Variants in EFNA5 observed in about 807,000 individuals in gnomAD.
EFNA5 encodes ephrin-A5.
In EFNA5, 5 loss-of-function variants were observed where a neutral mutation model predicts 22.9. That is an observed-to-expected ratio of 0.22 (90% CI 0.11 to 0.46). EFNA5 has a LOEUF of 0.46. Ranked by LOEUF, EFNA5 falls within the 20% of genes least tolerant of loss-of-function variation. EFNA5 has a pLI of 0.99. For missense variants in EFNA5, 237 were observed against 293.3 expected (o/e 0.81, Z 1.40); for synonymous variants, 113 against 112.2 (o/e 1.01, Z -0.04).
intron 1 of EFNA5, among the ~76,000 whole-genome samples, chr5:107,463,997 A>C (rs929449929): frequency 1.3e-5 from 2 of 152,156 alleles, no homozygotes; most frequent in African/African-American, 4.8e-5. Flanking sequence ...AAGTGGGTTA[A>C]ATGCATTAAG....
rs543475929 is a variant in EFNA5 at position 107,539,567 on chromosome 5, T to C, written c.126-112058A>G. Among the ~76,000 whole-genome samples the C allele has an allele frequency of 7.2e-5, 11 of 152,286 alleles. No homozygotes were observed. The South Asian group carries it at 1.0e-3, about 14-fold the overall frequency. ...TCTGCCTCCCGGGTTCTAGCAACTC[T>C]CCTGTCTCAGCCTCCCAAGTAGCTG... On this transcript the variant is annotated intron_variant, in intron 1 of 4. Transcript: ENST00000333274.
At chr5:107,669,398 G>T (rs1357764910) in intron 1 of EFNA5, among the ~76,000 whole-genome samples, 1 of 152,014 alleles carries the variant, frequency 6.6e-6, no homozygotes, top group Non-Finnish European at 1.5e-5. Context: ...GCACACAGCT[G>T]GAAGCTAGCC....
chr5:107,664,578 T>C (rs1413053080), intron 1 of EFNA5, among the ~76,000 whole-genome samples: 1 of 152,192 alleles, frequency 6.6e-6, no homozygotes, highest in Non-Finnish European at 1.5e-5. Flanking sequence ...ACCACCATCG[T>C]AAGACAAATT....
intron 1 of EFNA5, among the ~76,000 whole-genome samples, chr5:107,601,102 T>C (rs1307588627): frequency 6.6e-6 from 1 of 152,226 alleles, no homozygotes; most frequent in Non-Finnish European, 1.5e-5. Flanking sequence ...ATGAGATACA[T>C]GCTGAATCTA....
intron 1 of EFNA5, among the ~76,000 whole-genome samples, chr5:107,627,189 T>G (rs1750160322): frequency 6.6e-6 from 1 of 152,212 alleles, no homozygotes; most frequent in Admixed American, 6.5e-5. Flanking sequence ...AAAAAGCACA[T>G]TAGAGTAACT....
intron 1 of EFNA5, among the ~76,000 whole-genome samples, chr5:107,527,561 A>C (rs1226120796): frequency 6.6e-6 from 1 of 152,114 alleles, no homozygotes; most frequent in South Asian, 2.1e-4. Flanking sequence ...CTGAGATTAC[A>C]GGCATGAGCC....
intron 2 of EFNA5, among the ~76,000 whole-genome samples, chr5:107,404,569 G>A (rs543641734): frequency 9.2e-5 from 14 of 152,092 alleles, no homozygotes; most frequent in Non-Finnish European, 1.5e-5. Context: ...CTTCGAGGCA[G>A]GTATTATTAT....
At chr5:107,597,980 G>A (rs1749509813) in intron 1 of EFNA5, among the ~76,000 whole-genome samples, 1 of 152,118 alleles carries the variant, frequency 6.6e-6, no homozygotes, top group Non-Finnish European at 1.5e-5. Flanking sequence ...AACAACTTCT[G>A]TAGTCATTTT....
chr5:107,569,435 A>G (rs1025564002), intron 1 of EFNA5, among the ~76,000 whole-genome samples: 1 of 143,892 alleles, frequency 6.9e-6, no homozygotes, highest in African/African-American at 2.5e-5. Context: ...GTGTGTATAT[A>G]TATATTTATA....
In EFNA5 at chr5:107,454,017, A is replaced by T. The variant is rs25953; in HGVS notation, c.126-26508T>A. ...CAGAATGAATGCCAGATCAATATTA[A>T]CCCACTCTTAAAACATTAAAGGGGT... On this transcript the variant is annotated intron_variant, in intron 1 of 4. Transcript: ENST00000333274. Among the ~76,000 whole-genome samples, 85 of 152,184 alleles carry T rather than the reference A, an allele frequency of 5.6e-4. 1 individual carries two copies. In the East Asian group the frequency reaches 0.014, roughly 26 times the overall value.
At chr5:107,522,956 C>G (rs1747626122) in intron 1 of EFNA5, among the ~76,000 whole-genome samples, 1 of 152,174 alleles carries the variant, frequency 6.6e-6, no homozygotes, top group Admixed American at 6.5e-5. Context: ...ATTTCCAACA[C>G]CTAAACAGGG....
At chr5:107,542,556 G>C (rs73198615) in intron 1 of EFNA5, among the ~76,000 whole-genome samples, 67 of 151,762 alleles carry the variant, frequency 4.4e-4, no homozygotes, top group Non-Finnish European at 6.0e-4. Context: ...GTGGTATAAG[G>C]GGGGGGTGCG....
chr5:107,660,128 T>C (rs1342636093), intron 1 of EFNA5, among the ~76,000 whole-genome samples: 2 of 151,216 alleles, frequency 1.3e-5, no homozygotes, highest in Non-Finnish European at 3.0e-5. Context: ...TATAGTTCCA[T>C]ACAAGACCCT....
intron 1 of EFNA5, among the ~76,000 whole-genome samples, chr5:107,656,703 C>G (rs1464549991): frequency 2.6e-5 from 4 of 152,040 alleles, no homozygotes; most frequent in African/African-American, 9.7e-5. Flanking sequence ...AGTCCTGCCA[C>G]ATATACACAT....
chr5:107,395,034 C>CTTTTTTTTTTTTGTTTTTTTTTTTTTTTT (rs1747884154), intron 2 of EFNA5, among the ~76,000 whole-genome samples: 1 of 86,142 alleles, frequency 1.2e-5, no homozygotes, highest in Non-Finnish European at 2.2e-5. Context: ...ATTTCTAGTT[C>CTTTTTTTTTTTTGTTTTTTTTTTTTTTTT]TTTTTTTTTT....
chr5:107,395,034 C>CT (rs58619326), intron 2 of EFNA5, among the ~76,000 whole-genome samples: 999 of 86,138 alleles, frequency 0.012, 89 homozygotes, highest in Non-Finnish European at 0.013. Flanking sequence ...ATTTCTAGTT[C>CT]TTTTTTTTTT....
intron 1 of EFNA5, among the ~76,000 whole-genome samples, chr5:107,652,652 T>C (rs890672840): frequency 7.2e-5 from 11 of 152,218 alleles, no homozygotes; most frequent in Non-Finnish European, 1.2e-4. Flanking sequence ...AAATATGCTA[T>C]TGGTTTTACT....
rs533396123 is a variant in EFNA5, at chr5:107,487,676, A to T, written c.126-60167T>A. Reference sequence around the variant, plus strand: ...ATCATGATAACTTCATGAGCAGCAAAATGATAATTTTGTTCAGCCCTGTAG... The same window carrying T: ...ATCATGATAACTTCATGAGCAGCAATATGATAATTTTGTTCAGCCCTGTAG... On this transcript the variant is annotated intron_variant, in intron 1 of 4. Coordinates refer to ENST00000333274, the MANE Select transcript of EFNA5 (RefSeq NM_001962.3). Among the ~76,000 whole-genome samples the T allele has an allele frequency of 2.0e-5, 3 of 152,292 alleles. No homozygotes were observed. The East Asian group carries it at 5.8e-4, about 29-fold the overall frequency.
At chr5:107,412,393 A>G (rs1748392482) in intron 2 of EFNA5, among the ~76,000 whole-genome samples, 1 of 152,198 alleles carries the variant, frequency 6.6e-6, no homozygotes, top group Admixed American at 6.5e-5. Context: ...GAGAGAGAGA[A>G]AATGTCTTCC....
Sources: gnomAD v4.1 joint callset for allele counts (sites outside exome capture counted in the v4.1 genomes callset) on GRCh38, gnomAD v4.1.1 for gene constraint, MANE v1.5 for transcripts, NCBI Gene and HGNC (gene_info 2026-07-23, HGNC 2026-07-21) for gene names.